Variants in SCD5 observed in about 807,000 individuals in gnomAD.
SCD5 encodes stearoyl-CoA desaturase 5.
SCD5 carries 20 observed loss-of-function variants against 30.4 expected under a neutral mutation model. That is an observed-to-expected ratio of 0.66 (90% CI 0.46 to 0.96). The LOEUF (loss-of-function observed/expected upper bound fraction) is 0.96. Among genes scored for constraint, SCD5 ranks in the 40% least tolerant of loss-of-function variants. The pLI is 0.00. For missense variants in SCD5, 381 were observed against 443.3 expected (o/e 0.86, Z 1.26); for synonymous variants, 173 against 176.4 (o/e 0.98, Z 0.16).
intron 1 of SCD5, among the ~76,000 whole-genome samples, chr4:82,710,364 G>A (rs1435815020): frequency 6.6e-6 from 1 of 152,114 alleles, no homozygotes; most frequent in East Asian, 1.9e-4. Flanking sequence ...TAAATGCAAA[G>A]TGACCCTCGG....
intron 1 of SCD5, among the ~76,000 whole-genome samples, chr4:82,720,362 G>A (rs767221320): frequency 2.8e-5 from 4 of 145,448 alleles, no homozygotes; most frequent in East Asian, 2.1e-4. Context: ...GAGCCCAGGA[G>A]GTCGAGGCTG....
intron 1 of SCD5, among the ~76,000 whole-genome samples, chr4:82,756,244 G>A (rs1439767439): frequency 6.6e-6 from 1 of 152,182 alleles, no homozygotes; most frequent in Non-Finnish European, 1.5e-5. Flanking sequence ...AGCAGTGGTG[G>A]GGATGGTGGG....
chr4:82,755,965 C>G (rs1016574566), intron 1 of SCD5, among the ~76,000 whole-genome samples: 1 of 152,142 alleles, frequency 6.6e-6, no homozygotes, highest in African/African-American at 2.4e-5. Flanking sequence ...TGACCCTGCA[C>G]CACCAGAATT....
At chr4:82,721,767 C>T (rs1031091987) in intron 1 of SCD5, among the ~76,000 whole-genome samples, 4 of 152,242 alleles carry the variant, frequency 2.6e-5, no homozygotes, top group African/African-American at 9.6e-5. Context: ...TGTGACAACA[C>T]ATCTCTATTG....
intron 1 of SCD5, among the ~76,000 whole-genome samples, chr4:82,734,034 C>T (rs1290968843): frequency 6.6e-6 from 1 of 152,174 alleles, no homozygotes; most frequent in African/African-American, 2.4e-5. Flanking sequence ...TTAAGAACGT[C>T]TAGCTACTTG....
At chr4:82,760,775 T>C (rs574341968) in intron 1 of SCD5, among the ~76,000 whole-genome samples, 14 of 152,292 alleles carry the variant, frequency 9.2e-5, no homozygotes, top group African/African-American at 3.4e-4. Context: ...ACCATTAATT[T>C]GGGGCATACG....
intron 2 of SCD5, among the ~76,000 whole-genome samples, chr4:82,694,543 G>A (rs1300664650): frequency 6.6e-6 from 1 of 152,040 alleles, no homozygotes; most frequent in Admixed American, 6.5e-5. Context: ...ATTTTTTAAT[G>A]AAAGAAGATA....
At chr4:82,698,606 T>C (rs1051857390) in intron 2 of SCD5, among the ~76,000 whole-genome samples, 3 of 152,214 alleles carry the variant, frequency 2.0e-5, no homozygotes, top group African/African-American at 4.8e-5. Context: ...CTTGCACTGA[T>C]GTGGCCCCCA....
At chr4:82,692,447 C>A in intron 2 of SCD5, 1 of 153,368 alleles carries the variant, frequency 6.5e-6, no homozygotes, top group South Asian at 1.8e-4. Flanking sequence ...ACAACACACC[C>A]CACCATGGCC....
chr4:82,642,868 C>G (rs1727572605), intron 3 of SCD5, among the ~76,000 whole-genome samples: 1 of 152,204 alleles, frequency 6.6e-6, no homozygotes, highest in South Asian at 2.1e-4. Flanking sequence ...CTTTATTCTT[C>G]CTCGTCCCAT....
chr4:82,696,415 T>C lies in SCD5; in HGVS notation c.363+8868A>G, dbSNP rs747150447. Among the ~76,000 whole-genome samples the C allele has an allele frequency of 4.8e-4, 73 of 152,280 alleles. 1 individual carries two copies. Among genetic ancestry groups the C allele is most frequent in the Non-Finnish European group, 9.1e-4 (62 of 68,020 alleles). ...ACAAGGACCAATGATGAAAAACAAT[T>C]CAATATCTAATAAAGGGGTGGGGAA... On this transcript the variant is annotated intron_variant, in intron 2 of 4. Coordinates refer to ENST00000319540, the MANE Select transcript of SCD5 (RefSeq NM_001037582.3).
At chr4:82,699,592 G>C (rs1719772659) in intron 2 of SCD5, among the ~76,000 whole-genome samples, 1 of 129,838 alleles carries the variant, frequency 7.7e-6, no homozygotes, top group African/African-American at 3.0e-5. Context: ...TTTTGAGACA[G>C]TTTCAGCCTT....
intron 1 of SCD5, among the ~76,000 whole-genome samples, chr4:82,765,863 G>T (rs147586461): frequency 6.6e-6 from 1 of 152,068 alleles, no homozygotes; most frequent in African/African-American, 2.4e-5. Flanking sequence ...CAAGTGATCC[G>T]CCTGCCTTGG....
intron 1 of SCD5, among the ~76,000 whole-genome samples, chr4:82,718,083 A>AAT (rs1720271148): frequency 1.4e-5 from 2 of 139,006 alleles, no homozygotes; most frequent in African/African-American, 2.7e-5. Context: ...TTTTTTTTTT[A>AAT]AAAAAAAAAA....
rs1720126758 is a variant in SCD5 at position 82,712,306 on chromosome 4, T to A, written c.233-6893A>T. Reference sequence around the variant, plus strand: ...TATATATATATATATATTTTATTTTTATTTTATTTTTTTTTTTTGAGATGA... The same window carrying A: ...TATATATATATATATATTTTATTTTAATTTTATTTTTTTTTTTTGAGATGA... On this transcript the variant is annotated intron_variant, in intron 1 of 4. Transcript: ENST00000319540. Among the ~76,000 whole-genome samples the A allele has an allele frequency of 6.6e-5, 2 of 30,158 alleles. 1 individual carries two copies. Among genetic ancestry groups the A allele is most frequent in the South Asian group, 2.4e-3 (2 of 832 alleles). The allele number at this position is 30,158 out of a possible 152,430, so 19.8% of individuals were successfully genotyped here.
intron 3 of SCD5, among the ~76,000 whole-genome samples, chr4:82,640,293 G>A (rs1727515434): frequency 1.3e-5 from 2 of 152,182 alleles, no homozygotes; most frequent in Middle Eastern, 3.2e-3. Context: ...CAGCACTAGC[G>A]ATGTGGTTTC....
intron 3 of SCD5, among the ~76,000 whole-genome samples, chr4:82,640,475 C>A (rs936869277): frequency 6.6e-6 from 1 of 152,204 alleles, no homozygotes; most frequent in African/African-American, 2.4e-5. Context: ...TCCCTGTAAT[C>A]GGCTAGGATT....
chr4:82,731,924 T>C (rs1401726782), intron 1 of SCD5, among the ~76,000 whole-genome samples: 1 of 152,182 alleles, frequency 6.6e-6, no homozygotes, highest in Non-Finnish European at 1.5e-5. Flanking sequence ...CTGTCATCTG[T>C]CTGATTAAGA....
At chr4:82,631,738 C>T (rs1369220312) in intron 4 of SCD5, among the ~76,000 whole-genome samples, 1 of 152,138 alleles carries the variant, frequency 6.6e-6, no homozygotes, top group Admixed American at 6.5e-5. Flanking sequence ...ATTAACTTTC[C>T]TATGTGAACT....
Sources: gnomAD v4.1 joint callset for allele counts (sites outside exome capture counted in the v4.1 genomes callset) on GRCh38, gnomAD v4.1.1 for gene constraint, MANE v1.5 for transcripts, NCBI Gene and HGNC (gene_info 2026-07-23, HGNC 2026-07-21) for gene names.